The following PKHD1 variants were observed in gnomAD, a reference collection of about 807,000 sequenced individuals.
PKHD1 encodes PKHD1 ciliary IPT domain containing fibrocystin/polyductin, also known as fibrocystin.
Under a neutral mutation model 412.0 loss-of-function variants are expected in PKHD1, and 291 were observed. The observed-to-expected ratio is 0.71, with a 90% CI of 0.64 to 0.78. PKHD1 has a LOEUF of 0.78. Ranked by LOEUF, PKHD1 falls within the 30% of genes least tolerant of loss-of-function variation. PKHD1 has a pLI of 0.00. For synonymous variants in PKHD1, 1,777 were observed against 1,821.5 expected (o/e 0.98, Z 0.62); for missense variants, 4,825 against 4,950.7 (o/e 0.97, Z 0.76).
chr6:51,929,504 G>A (rs1263826580), intron 37 of PKHD1, among the ~76,000 whole-genome samples: 1 of 127,092 alleles, frequency 7.9e-6, no homozygotes, highest in East Asian at 4.7e-4. Context: ...ATCCCCTCCA[G>A]GAAACATTTG....
At chr6:51,773,506 CATAT>C (rs995631738) in intron 54 of PKHD1, among the ~76,000 whole-genome samples, 3 of 151,258 alleles carry the variant, frequency 2.0e-5, no homozygotes, top group African/African-American at 7.3e-5. Context: ...ACTCTCAGCA[CATAT>C]ATATTTATTT....
intron 5 of PKHD1, among the ~76,000 whole-genome samples, chr6:52,077,685 G>T (rs754029350): frequency 6.6e-6 from 1 of 152,190 alleles, no homozygotes; most frequent in Non-Finnish European, 1.5e-5. Context: ...TGTATAGTCT[G>T]CCATGAAGGC....
intron 60 of PKHD1, among the ~76,000 whole-genome samples, chr6:51,681,762 T>A (rs896998827): frequency 6.6e-6 from 1 of 152,082 alleles, no homozygotes; most frequent in Non-Finnish European, 1.5e-5. Flanking sequence ...CTGGCTATTG[T>A]TATAAACAAA....
intron 60 of PKHD1, among the ~76,000 whole-genome samples, chr6:51,689,245 C>T (rs1034958433): frequency 1.3e-5 from 2 of 152,142 alleles, no homozygotes; most frequent in Non-Finnish European, 2.9e-5. Flanking sequence ...AAGACAAAAA[C>T]CACATGATTA....
chr6:52,015,088 C>CAGT lies in PKHD1; in HGVS notation c.5600+2319_5600+2321dup, dbSNP rs1800354496. On this transcript the variant is annotated intron_variant, in intron 34 of 66. Coordinates refer to ENST00000371117, the MANE Select transcript of PKHD1 (RefSeq NM_138694.4). ...GTACAAACATATACACTATATACAA[C>CAGT]AGTAGGATCAAATTGATATACTCTT... Among the ~76,000 whole-genome samples the CAGT allele has an allele frequency of 2.0e-5, 3 of 152,138 alleles. No individual in the cohort carries two copies. In the South Asian group the frequency reaches 6.2e-4, roughly 32 times the overall value.
At chr6:51,917,958 T>C (rs1784086811) in intron 37 of PKHD1, among the ~76,000 whole-genome samples, 1 of 152,092 alleles carries the variant, frequency 6.6e-6, no homozygotes, top group Non-Finnish European at 1.5e-5. Context: ...AGAAAATCCT[T>C]AGTGAGAAAA....
At chr6:52,037,849 T>C (rs1326234109) in intron 27 of PKHD1, among the ~76,000 whole-genome samples, 1 of 152,184 alleles carries the variant, frequency 6.6e-6, no homozygotes, top group African/African-American at 2.4e-5. Context: ...GCTACTAATA[T>C]TTTTGCACAT....
At position 51,748,280 on chromosome 6, in the gene PKHD1, G is replaced by A. The variant is rs1156560572; in HGVS notation, c.9336C>T (p.Ser3112=). Residue 3112 remains serine, a synonymous_variant, in exon 58 of 67, where the codon TCC becomes TCT. Transcript: ENST00000371117. The part of the protein sequence containing the change: ...LGFHIRGHKC[S]SCELLWSDNV... ...TGTCAGACCAAAGCAGTTCACAAGA[G>A]GAGCACTTGTGGCCTCGGATGTGAA... is the stretch of plus-strand genomic sequence containing the variant. 1.2e-6 allele frequency: 2 copies of A among 1,614,042 alleles called. No homozygotes were observed. The highest frequency in any genetic ancestry group is 2.2e-5 in the East Asian group (1 of 44,860).
chr6:52,033,135 C>G lies in PKHD1; in HGVS notation c.3259G>C (p.Val1087Leu), dbSNP rs372422063. The G allele has an allele frequency of 2.5e-6, 4 of 1,612,236 alleles. No homozygotes were observed. Among genetic ancestry groups the G allele is most frequent in the African/African-American group, 2.7e-5 (2 of 74,882 alleles). The part of the protein sequence containing the change: ...GKDGRIVNVT[V>L]IRGDYSAVLP... Reference sequence around the variant, plus strand: ...ACTGCAGAATAGTCCCCTCTGATCACAGTCACATTCACAATGCGTCCATCT... The same window carrying G: ...ACTGCAGAATAGTCCCCTCTGATCAGAGTCACATTCACAATGCGTCCATCT... The change falls in exon 29 of 67, where the codon GTG (valine) becomes CTG (leucine). Residue 1087 changes from valine (V) to leucine (L), a missense_variant. Val to Leu is a conservative substitution (Grantham distance 32). Coordinates refer to ENST00000371117, the MANE Select transcript of PKHD1 (RefSeq NM_138694.4).
At chr6:51,940,081 T>C (rs1788233195) in intron 36 of PKHD1, among the ~76,000 whole-genome samples, 2 of 151,600 alleles carry the variant, frequency 1.3e-5, no homozygotes, top group Admixed American at 6.6e-5. Flanking sequence ...TCATCAAATA[T>C]GAAAAACCCA....
At position 52,069,531 on chromosome 6, in the gene PKHD1, C is replaced by T. The variant is rs748018742; in HGVS notation, c.708-4G>A. The T allele has an allele frequency of 1.8e-5, 29 of 1,610,526 alleles. No individual in the cohort carries two copies. Among genetic ancestry groups the T allele is most frequent in the South Asian group, 7.7e-5 (7 of 91,012 alleles). ...TGCCTTCTTGTGGACCATTGACCTT[C>T]GAAAAAGACAAAGTTCTGTTTTGAA... is the stretch of plus-strand genomic sequence containing the variant. On this transcript the variant is annotated splice_region_variant and splice_polypyrimidine_tract_variant and intron_variant, in intron 10 of 66. Transcript: ENST00000371117.
At chr6:51,677,383 C>T (rs926460567) in intron 60 of PKHD1, among the ~76,000 whole-genome samples, 1 of 152,034 alleles carries the variant, frequency 6.6e-6, no homozygotes, top group Non-Finnish European at 1.5e-5. Flanking sequence ...AGCCACAAAA[C>T]GCCCAAGAGT....
At chr6:51,692,759 G>A (rs658355) in intron 60 of PKHD1, among the ~76,000 whole-genome samples, 147,292 of 152,220 alleles carry the variant, frequency 0.97, 71,466 homozygotes, top group East Asian at 1. Flanking sequence ...TTTTCTTATG[G>A]TTTTGTTTTA....
intron 43 of PKHD1, among the ~76,000 whole-genome samples, chr6:51,895,040 A>C (rs1020998584): frequency 1.3e-5 from 2 of 152,250 alleles, no homozygotes; most frequent in Non-Finnish European, 2.9e-5. Context: ...AAATACATGC[A>C]CATACATACA....
At position 52,010,379 on chromosome 6, in the gene PKHD1, C is replaced by T. The variant is rs1005912301; in HGVS notation, c.5681G>A (p.Cys1894Tyr). 1 of 1,612,484 alleles carries T rather than the reference C, an allele frequency of 6.2e-7. No individual in the cohort carries two copies. Among genetic ancestry groups the T allele is most frequent in the Admixed American group, 1.7e-5 (1 of 59,992 alleles). Residue 1894 changes from cysteine (C) to tyrosine (Y), a missense_variant, in exon 35 of 67, where the codon TGT (cysteine) becomes TAT (tyrosine). Cys to Tyr is a radical substitution (Grantham distance 194). Coordinates refer to ENST00000371117, the MANE Select transcript of PKHD1 (RefSeq NM_138694.4). ...ITMETEAEME[C>Y]ETPNQPITVK... The stretch of plus-strand genomic sequence containing the variant: ...GGTAATTGGCTGATTGGGCGTCTCA[C>T]ACTCCATCTCTGCCTCAGTTTCCAT...
chr6:51,989,932 GA>G lies in PKHD1; in HGVS notation c.5751+20376del, dbSNP rs1562072899. ...GGAAGGAAGGAAGGAAGGAAGGAAG[GA>G]AAGAAGGAAGGAAGAAAGGAAGGAA... On this transcript the variant is annotated intron_variant, in intron 35 of 66. Coordinates refer to ENST00000371117, the MANE Select transcript of PKHD1 (RefSeq NM_138694.4). 8.5e-4 allele frequency among the ~76,000 whole-genome samples: 85 copies of G among 99,514 alleles called. 3 individuals are homozygous for G. Among genetic ancestry groups the G allele is most frequent in the African/African-American group, 3.0e-3 (79 of 26,464 alleles). 65.3% of individuals were successfully genotyped at this position (99,514 alleles called of 152,430 possible).
At chr6:52,051,359 G>T (rs1216102713) in intron 21 of PKHD1, among the ~76,000 whole-genome samples, 1 of 152,170 alleles carries the variant, frequency 6.6e-6, no homozygotes, top group Non-Finnish European at 1.5e-5. Flanking sequence ...TTAGTCAGGG[G>T]AATATCATCA....
intron 5 of PKHD1, among the ~76,000 whole-genome samples, chr6:52,078,407 G>C (rs2128238887): frequency 6.6e-6 from 1 of 152,306 alleles, no homozygotes; most frequent in Non-Finnish European, 1.5e-5. Context: ...TGAGAAAGCT[G>C]CAGCCACCAG....
chr6:51,868,274 TTACTGTC>T (rs1367945667), intron 47 of PKHD1, among the ~76,000 whole-genome samples, 165 bp from the exon 48 acceptor site: 1 of 152,164 alleles, frequency 6.6e-6, no homozygotes, highest in Non-Finnish European at 1.5e-5. Context: ...CAGTGAGTGT[TTACTGTC>T]TACCAAGCTC....
Sources: allele counts gnomAD v4.1 joint callset (sites outside exome capture counted in the v4.1 genomes callset), GRCh38; gene constraint gnomAD v4.1.1; transcripts MANE v1.5; gene names NCBI Gene and HGNC (gene_info 2026-07-23, HGNC 2026-07-21).